The following CHN2 variants were observed in gnomAD, a reference collection of about 807,000 sequenced individuals.
The protein encoded by CHN2 is beta-chimaerin.
In CHN2, 35 loss-of-function variants were observed where a neutral mutation model predicts 56.3. The observed-to-expected ratio is 0.62, with a 90% confidence interval of 0.47 to 0.82. The LOEUF (loss-of-function observed/expected upper bound fraction) is 0.82, where lower values mean the gene tolerates loss of function less well. Ranked by LOEUF, CHN2 falls within the 40% of genes least tolerant of loss-of-function variation. The probability of loss-of-function intolerance (pLI) is 0.00; values close to 1 mark genes in which losing one functional copy is unlikely to be tolerated. For missense variants in CHN2, 491 were observed against 580.5 expected, an observed-to-expected ratio of 0.85 and a Z score of 1.58; for synonymous variants, 210 against 212.8, an observed-to-expected ratio of 0.99 and a Z score of 0.12.
At chr7:29,487,278 A>T (rs982234723) in intron 7 of CHN2, among the ~76,000 whole-genome samples, 6 of 152,066 alleles carry the variant, frequency 3.9e-5, no homozygotes, top group Non-Finnish European at 1.5e-5. Flanking sequence ...TGCCAGAAAC[A>T]AGTCTGGAAA....
At chr7:29,271,901 T>C (rs1320970207) in intron 1 of CHN2, among the ~76,000 whole-genome samples, 1 of 152,152 alleles carries the variant, frequency 6.6e-6, no homozygotes. Context: ...CCACCAACAC[T>C]TCATACTGCA....
intron 1 of CHN2, among the ~76,000 whole-genome samples, chr7:29,311,858 T>A (rs1405188400): frequency 3.3e-5 from 5 of 152,174 alleles, no homozygotes; most frequent in Non-Finnish European, 7.4e-5. Context: ...CTGAAATAAA[T>A]AAGCAAGAAA....
At chr7:29,197,495 T>A (rs570365090) in intron 1 of CHN2, among the ~76,000 whole-genome samples, 9 of 152,320 alleles carry the variant, frequency 5.9e-5, no homozygotes, top group African/African-American at 2.2e-4. Flanking sequence ...TGTGGAGTAT[T>A]TAGCACAGGG....
chr7:29,163,907 T>A (rs769845123), intron 2 of CHN2, among the ~76,000 whole-genome samples: 4 of 152,254 alleles, frequency 2.6e-5, no homozygotes, highest in African/African-American at 9.6e-5. Flanking sequence ...AATATATTTG[T>A]CCATTTACTT....
chr7:29,233,634 T>C (rs1786897250), intron 1 of CHN2, among the ~76,000 whole-genome samples: 1 of 151,832 alleles, frequency 6.6e-6, no homozygotes, highest in South Asian at 2.1e-4. Context: ...CCTTTAAATG[T>C]GAAAGAGGGA....
chr7:29,363,463 C>T (rs981070184), intron 2 of CHN2, among the ~76,000 whole-genome samples: 1 of 152,148 alleles, frequency 6.6e-6, no homozygotes, highest in Non-Finnish European at 1.5e-5. Context: ...CTAGCCTGGG[C>T]AACAGAGCAA....
intron 6 of CHN2, among the ~76,000 whole-genome samples, chr7:29,428,937 C>A (rs1226676388): frequency 1.3e-5 from 2 of 152,082 alleles, no homozygotes; most frequent in East Asian, 3.9e-4. Flanking sequence ...TTCTGGTCAG[C>A]TGGAAAATGA....
At position 29,340,503 on chromosome 7, in the gene CHN2, G is replaced by A. The variant is rs112289032; in HGVS notation, c.50-14122G>A. ...TTCATTAGTAAGGGCAGGCAGGAAGGCTATTAGCCATGTGTGCTTGCTAAC... is the reference window on the plus strand; with the variant it reads ...TTCATTAGTAAGGGCAGGCAGGAAGACTATTAGCCATGTGTGCTTGCTAAC... On this transcript the variant is annotated intron_variant, in intron 1 of 12. Coordinates refer to ENST00000222792, the MANE Select transcript of CHN2 (RefSeq NM_004067.4). Among the ~76,000 whole-genome samples, 42 of 152,254 alleles carry A rather than the reference G, an allele frequency of 2.8e-4. 1 individual carries two copies. The highest frequency in any genetic ancestry group is 9.4e-4 in the African/African-American group (39 of 41,550).
In CHN2 at chr7:29,400,736, C is replaced by T; in HGVS notation, c.484C>T (p.Leu162Phe). The T allele has an allele frequency of 6.2e-7, 1 of 1,614,134 alleles. No homozygotes were observed. The highest frequency in any genetic ancestry group is 1.7e-5 in the Admixed American group (1 of 60,028). The part of the protein sequence containing the change: ...IYEHIGYATL[L>F]REKVSRRLSR... ...TGAACACATTGGATATGCCACCCTA[C>T]TCAGAGAAAAAGTATCCAGAAGGCT... The change falls in exon 6 of 13, where the codon CTC becomes TTC. Residue 162 changes from leucine to phenylalanine, a missense_variant. By Grantham distance (22) the Leu-to-Phe change is conservative (BLOSUM62 0). Coordinates refer to ENST00000222792, the MANE Select transcript of CHN2 (RefSeq NM_004067.4).
intron 6 of CHN2, among the ~76,000 whole-genome samples, chr7:29,460,546 A>C (rs1785092514): frequency 6.6e-6 from 1 of 152,208 alleles, no homozygotes; most frequent in Non-Finnish European, 1.5e-5. Flanking sequence ...CGGACAAAGG[A>C]TGTTTCACAG....
intron 1 of CHN2, among the ~76,000 whole-genome samples, chr7:29,264,038 TG>T (rs931306645): frequency 1.4e-5 from 2 of 138,630 alleles, no homozygotes; most frequent in African/African-American, 2.8e-5. Context: ...GGGTGGGGGG[TG>T]GGGGGCAGCC....
Position 29,367,917 on chromosome 7 carries a change from TCTC to T in CHN2, c.89-14_89-12del, listed in dbSNP as rs1799300560. ...TTCTAATTATTTCTCTCTCTCTCTC[TCTC>T]TTTTTTGGCAGTATATCAGTTACAG... On this transcript the variant is annotated splice_polypyrimidine_tract_variant and intron_variant, in intron 2 of 12. Coordinates refer to ENST00000222792, the MANE Select transcript of CHN2 (RefSeq NM_004067.4). 3.1e-6 allele frequency: 5 copies of T among 1,606,442 alleles called. No individual in the cohort carries two copies. The African/African-American group carries it at 5.4e-5, about 17-fold the overall frequency.
At chr7:29,391,049 G>GT (rs1177625578) in intron 3 of CHN2, among the ~76,000 whole-genome samples, 2 of 151,976 alleles carry the variant, frequency 1.3e-5, no homozygotes, top group Admixed American at 6.6e-5. Context: ...AGAGGATTTT[G>GT]TTTTTTTGAT....
At chr7:29,265,681 C>G (rs773325836) in intron 1 of CHN2, among the ~76,000 whole-genome samples, 38 of 151,928 alleles carry the variant, frequency 2.5e-4, no homozygotes, top group Admixed American at 4.6e-4. Flanking sequence ...GAAGAGGGCT[C>G]TCTCTCTGGT....
In CHN2 at chr7:29,171,596, C is replaced by T. The variant is rs569620225; in HGVS notation, c.274+24636C>T. On this transcript the variant is annotated intron_variant, in intron 2 of 6. Transcript: ENST00000439384. ...TTTTAACGTGGACCGGAAAGACAAA[C>T]TCTAATACCTTAAGGGGCACTATTA... Among the ~76,000 whole-genome samples, 5 of 152,236 alleles carry T rather than the reference C, an allele frequency of 3.3e-5. No homozygotes were observed. The South Asian group carries it at 1.0e-3, about 32-fold the overall frequency.
At chr7:29,370,541 C>T (rs1218775352) in intron 3 of CHN2, among the ~76,000 whole-genome samples, 1 of 152,094 alleles carries the variant, frequency 6.6e-6, no homozygotes, top group Non-Finnish European at 1.5e-5. Flanking sequence ...TCTTGGTCTT[C>T]AATCTATCTC....
At chr7:29,445,053 C>A in intron 6 of CHN2, 1 of 447,768 alleles carries the variant, frequency 2.2e-6, no homozygotes, top group Non-Finnish European at 4.5e-6. Context: ...AAAATTCTCT[C>A]CCATTTTAGT....
chr7:29,331,872 C>T (rs1796244885), intron 1 of CHN2, among the ~76,000 whole-genome samples: 1 of 151,968 alleles, frequency 6.6e-6, no homozygotes. Context: ...CCAGCCTGAC[C>T]AACATGGCAC....
rs563968040 is a variant in CHN2, at chr7:29,323,564, C to T, written c.50-31061C>T. Among the ~76,000 whole-genome samples the T allele has an allele frequency of 7.9e-5, 12 of 152,138 alleles. No homozygotes were observed. In the East Asian group the frequency reaches 9.7e-4, roughly 12 times the overall value. On this transcript the variant is annotated intron_variant, in intron 1 of 12. Coordinates refer to ENST00000222792, the MANE Select transcript of CHN2 (RefSeq NM_004067.4). ...ATAAAGTGCTTAATAGACATGAGGCCGCCTCGCCACGTGGGAGATGGAGTT... is the reference window on the plus strand; with the variant it reads ...ATAAAGTGCTTAATAGACATGAGGCTGCCTCGCCACGTGGGAGATGGAGTT...
Sources: allele counts gnomAD v4.1 joint callset (sites outside exome capture counted in the v4.1 genomes callset), GRCh38; gene constraint gnomAD v4.1.1; transcripts MANE v1.5; gene names NCBI Gene and HGNC (gene_info 2026-07-23, HGNC 2026-07-21).